SLC26A5: variants seen among roughly 807,000 people sequenced by gnomAD.
The protein encoded by SLC26A5 is prestin.
In SLC26A5, 51 loss-of-function variants were observed where a neutral mutation model predicts 81.0. The ratio of observed to expected loss-of-function variants is 0.63; its 90% confidence interval spans 0.50 to 0.80. The LOEUF (loss-of-function observed/expected upper bound fraction) is 0.80, where lower values mean the gene tolerates loss of function less well. Ranked by LOEUF, SLC26A5 falls within the 30% of genes least tolerant of loss-of-function variation. The pLI is 0.00. For synonymous variants in SLC26A5, 325 were observed against 332.8 expected (o/e 0.98, Z 0.25); for missense variants, 771 against 905.8 (o/e 0.85, Z 1.91).
At chr7:103,371,781 C>G (rs574323468), downstream of SLC26A5, among the ~76,000 whole-genome samples, 1 of 151,084 alleles carries the variant, frequency 6.6e-6, no homozygotes, top group Non-Finnish European at 1.5e-5. Context: ...CTGCAACCTC[C>G]GCCTCCTGGG....
In SLC26A5 at chr7:103,377,662, A is replaced by G; in HGVS notation, c.1923T>C (p.Thr641=). 1.2e-6 allele frequency: 2 copies of G among 1,614,116 alleles called. No individual in the cohort carries two copies. Among genetic ancestry groups the G allele is most frequent in the Non-Finnish European group, 1.7e-6 (2 of 1,180,010 alleles). Residue 641 remains threonine (T), a synonymous_variant, in exon 18 of 20, where the codon ACT becomes ACC. Coordinates refer to ENST00000306312, the MANE Select transcript of SLC26A5 (RefSeq NM_198999.3). ...TGACTTGAGTGAAATCCAAAATGAC[A>G]GTGTGGACGTTATCCCCTGGGGGCA... is the stretch of plus-strand genomic sequence containing the variant. ...RFMPPGDNVH[T]VILDFTQVNF... is the part of the protein sequence containing the mutation.
At chr7:103,401,540 A>G (rs1445048033) in intron 8 of SLC26A5, among the ~76,000 whole-genome samples, 1 of 152,176 alleles carries the variant, frequency 6.6e-6, no homozygotes, top group African/African-American at 2.4e-5. Flanking sequence ...TTCCTATTTG[A>G]ATACCCTTTA....
rs767825568 is a variant in SLC26A5 at position 103,367,834 on chromosome 7, T to C, written c.2041+8974A>G. The C allele has an allele frequency of 1.2e-6, 2 of 1,612,068 alleles. No individual in the cohort carries two copies. Among genetic ancestry groups the C allele is most frequent in the Non-Finnish European group, 1.7e-6 (2 of 1,179,188 alleles). On this transcript the variant is annotated intron_variant, in intron 19 of 19. Transcript: ENST00000339444. The surrounding 1 kb of genome is among the most constrained non-coding windows in gnomAD (Gnocchi z 6.1). ...GGTAAGTAGAAAGTTCTTGCTTATA[T>C]TTGCTGGTCTGTCTGCTCAGGCTGC...
intron 8 of SLC26A5, among the ~76,000 whole-genome samples, chr7:103,398,468 G>A (rs1179041961): frequency 6.6e-6 from 1 of 152,096 alleles, no homozygotes; most frequent in Non-Finnish European, 1.5e-5. Flanking sequence ...CCTGTTTCTG[G>A]GACAGCAGCC....
chr7:103,405,975 C>G (rs1824014965), intron 8 of SLC26A5, among the ~76,000 whole-genome samples: 1 of 152,214 alleles, frequency 6.6e-6, no homozygotes, highest in African/African-American at 2.4e-5. Flanking sequence ...TTTGTTTACA[C>G]TGTGAGGGGA....
intron 2 of SLC26A5, among the ~76,000 whole-genome samples, chr7:103,434,194 T>C (rs1826283800): frequency 6.6e-6 from 1 of 152,262 alleles, no homozygotes; most frequent in Admixed American, 6.5e-5. Context: ...AGTCTTTGAA[T>C]GTCTGAAAAT....
intron 19 of SLC26A5, among the ~76,000 whole-genome samples, chr7:103,358,788 G>A (rs1165848781): frequency 6.6e-6 from 1 of 151,946 alleles, no homozygotes; most frequent in African/African-American, 2.4e-5. Flanking sequence ...TCTTTTTTCT[G>A]TAAAGCAGTT....
intron 4 of SLC26A5, among the ~76,000 whole-genome samples, chr7:103,414,120 T>G (rs184583272): frequency 2.6e-5 from 4 of 151,844 alleles, no homozygotes; most frequent in East Asian, 1.9e-4. Context: ...CTGTGCTCTA[T>G]TCATACTTCC....
chr7:103,388,201 T>TG (rs1340426693), intron 14 of SLC26A5, among the ~76,000 whole-genome samples: 10 of 148,656 alleles, frequency 6.7e-5, no homozygotes, highest in African/African-American at 2.5e-4. Flanking sequence ...AAGTTTTTTT[T>TG]TTTTTTTTTT....
chr7:103,436,525 A>G (rs1376262950), intron 2 of SLC26A5, among the ~76,000 whole-genome samples: 1 of 152,208 alleles, frequency 6.6e-6, no homozygotes, highest in African/African-American at 2.4e-5. Flanking sequence ...TGAAGGAGTC[A>G]TAAACCAATA....
intron 9 of SLC26A5, among the ~76,000 whole-genome samples, chr7:103,395,532 T>C (rs1321800673): frequency 6.9e-6 from 1 of 144,838 alleles, no homozygotes; most frequent in Non-Finnish European, 1.5e-5. Context: ...AATTTTTTTT[T>C]TTTTTTTTGA....
intron 18 of SLC26A5, among the ~76,000 whole-genome samples, chr7:103,377,156 T>G (rs189599787): frequency 1.3e-5 from 2 of 152,324 alleles, no homozygotes; most frequent in African/African-American, 4.8e-5. Context: ...AAAAAACGAT[T>G]TTTTTTAGAG....
chr7:103,353,504 G>A (rs768571447), intron 19 of SLC26A5, among the ~76,000 whole-genome samples: 1 of 152,014 alleles, frequency 6.6e-6, no homozygotes, highest in African/African-American at 2.4e-5. Flanking sequence ...ACGGGGTTTC[G>A]CCAGGTTGGC....
chr7:103,383,826 CACT>C (rs1196259083), intron 14 of SLC26A5, among the ~76,000 whole-genome samples: 2 of 151,996 alleles, frequency 1.3e-5, no homozygotes, highest in Non-Finnish European at 2.9e-5. Flanking sequence ...AGGGGTGCAC[CACT>C]ACACCTTGCC....
chr7:103,392,010 T>C (rs2116485189), intron 10 of SLC26A5, among the ~76,000 whole-genome samples: 1 of 152,306 alleles, frequency 6.6e-6, no homozygotes, highest in East Asian at 1.9e-4. Context: ...AAATAACGCT[T>C]AAGAAGAAAA....
At chr7:103,437,751 A>G (rs60493985) in intron 2 of SLC26A5, among the ~76,000 whole-genome samples, 6,390 of 152,248 alleles carry the variant, frequency 0.042, 220 homozygotes, top group East Asian at 0.18. Flanking sequence ...TAGAGAGTAG[A>G]ATGGTGTTGA....
chr7:103,415,183 T>G (rs1824807114), intron 4 of SLC26A5, among the ~76,000 whole-genome samples: 1 of 152,178 alleles, frequency 6.6e-6, no homozygotes, highest in Non-Finnish European at 1.5e-5. Context: ...GCATCCTAAC[T>G]TCATGTATAA....
At chr7:103,371,935 T>C (rs1018807687), downstream of SLC26A5, among the ~76,000 whole-genome samples, 1 of 151,948 alleles carries the variant, frequency 6.6e-6, no homozygotes, top group Non-Finnish European at 1.5e-5. Context: ...GACCTTGTGA[T>C]CTGCCCGCCT....
At chr7:103,388,193 G>GTTT (rs897201043) in intron 14 of SLC26A5, among the ~76,000 whole-genome samples, 35 of 114,918 alleles carry the variant, frequency 3.0e-4, no homozygotes, top group African/African-American at 4.9e-4. Flanking sequence ...AGCCCATAAA[G>GTTT]TTTTTTTTTT....
Sources: allele counts gnomAD v4.1 joint callset (sites outside exome capture counted in the v4.1 genomes callset), GRCh38; gene constraint gnomAD v4.1.1; non-coding constraint Gnocchi (gnomAD v3.1); transcripts MANE v1.5; gene names NCBI Gene and HGNC (gene_info 2026-07-23, HGNC 2026-07-21).